Variants in PLXDC2 observed in about 807,000 individuals in gnomAD.
The protein encoded by PLXDC2 is plexin domain-containing protein 2.
PLXDC2 carries 40 observed loss-of-function variants against 68.9 expected under a neutral mutation model. That is an observed-to-expected ratio of 0.58 (90% CI 0.45 to 0.76). The LOEUF is 0.76. Ranked by LOEUF, PLXDC2 falls within the 30% of genes least tolerant of loss-of-function variation. PLXDC2 has a pLI of 0.00. For synonymous variants in PLXDC2, 243 were observed against 234.2 expected, an observed-to-expected ratio of 1.04 and a Z score of -0.34; for missense variants, 644 against 661.9, an observed-to-expected ratio of 0.97 and a Z score of 0.30.
At chr10:20,045,992 C>A (rs936194876) in intron 2 of PLXDC2, among the ~76,000 whole-genome samples, 3 of 151,974 alleles carry the variant, frequency 2.0e-5, no homozygotes, top group African/African-American at 7.3e-5. Context: ...GTGACAGGCA[C>A]TAAGGTAACA....
At chr10:19,999,395 T>G (rs970823654) in intron 1 of PLXDC2, among the ~76,000 whole-genome samples, 6 of 152,088 alleles carry the variant, frequency 3.9e-5, no homozygotes, top group East Asian at 1.9e-4. Context: ...TGTTTGTTTT[T>G]TTTTTTTCTG....
At chr10:19,910,511 C>A (rs1041977447) in intron 1 of PLXDC2, among the ~76,000 whole-genome samples, 1 of 151,118 alleles carries the variant, frequency 6.6e-6, no homozygotes, top group African/African-American at 2.4e-5. Flanking sequence ...AGGACTGGGT[C>A]CTTCCACTAG....
chr10:20,069,309 A>G (rs1836276659), intron 4 of PLXDC2, among the ~76,000 whole-genome samples: 1 of 152,200 alleles, frequency 6.6e-6, no homozygotes, highest in Admixed American at 6.5e-5. Context: ...AGAGGTGTGT[A>G]GCTTAGTGGA....
intron 4 of PLXDC2, among the ~76,000 whole-genome samples, chr10:20,112,785 T>C (rs1216950520): frequency 6.6e-6 from 1 of 152,238 alleles, no homozygotes; most frequent in African/African-American, 2.4e-5. Context: ...CCGTGGAATA[T>C]ATGTGCTGTA....
intron 6 of PLXDC2, among the ~76,000 whole-genome samples, chr10:20,157,092 C>T (rs910879216): frequency 6.6e-6 from 1 of 152,172 alleles, no homozygotes; most frequent in Non-Finnish European, 1.5e-5. Flanking sequence ...TAAAAGAGAT[C>T]ATGACTCTTA....
At chr10:20,007,326 T>G (rs1241055417) in intron 2 of PLXDC2, among the ~76,000 whole-genome samples, 1 of 152,252 alleles carries the variant, frequency 6.6e-6, no homozygotes, top group Non-Finnish European at 1.5e-5. Context: ...TTCATCAGCC[T>G]ATTGCTGTAG....
chr10:20,034,988 A>G (rs1835555801), intron 2 of PLXDC2, among the ~76,000 whole-genome samples: 1 of 152,222 alleles, frequency 6.6e-6, no homozygotes, highest in African/African-American at 2.4e-5. Context: ...ACTTGTCATT[A>G]AGCAACCCAT....
At chr10:20,222,167 T>C (rs1014943249) in intron 12 of PLXDC2, among the ~76,000 whole-genome samples, 1 of 151,928 alleles carries the variant, frequency 6.6e-6, no homozygotes, top group African/African-American at 2.4e-5. Context: ...TAGAAACAAA[T>C]GACTGCCTTT....
intron 12 of PLXDC2, among the ~76,000 whole-genome samples, chr10:20,228,457 G>C (rs895792484): frequency 1.3e-5 from 2 of 152,102 alleles, no homozygotes; most frequent in Non-Finnish European, 2.9e-5. Flanking sequence ...AACTACTGGG[G>C]AGGCTGAGGT....
chr10:19,936,007 G>C (rs115110138), intron 1 of PLXDC2, among the ~76,000 whole-genome samples: 19 of 152,258 alleles, frequency 1.2e-4, no homozygotes, highest in African/African-American at 4.6e-4. Flanking sequence ...GTGCTATTTT[G>C]ATATTAAAAC....
chr10:20,103,608 G>A (rs1833451017), intron 4 of PLXDC2, among the ~76,000 whole-genome samples: 1 of 150,390 alleles, frequency 6.6e-6, no homozygotes. Context: ...GAGAGAGAGA[G>A]AGAGAAAACT....
chr10:20,016,615 G>A (rs1468002933), intron 2 of PLXDC2, among the ~76,000 whole-genome samples: 1 of 152,172 alleles, frequency 6.6e-6, no homozygotes, highest in Non-Finnish European at 1.5e-5. Flanking sequence ...TGTTTACCTG[G>A]TGGCCATGGT....
At chr10:20,252,124 G>T (rs11011911) in intron 13 of PLXDC2, among the ~76,000 whole-genome samples, 39,873 of 151,964 alleles carry the variant, frequency 0.26, 5,537 homozygotes, top group African/African-American at 0.36. Context: ...TATCGTGCAA[G>T]GGCAATGGAG....
intron 7 of PLXDC2, among the ~76,000 whole-genome samples, chr10:20,175,237 C>A (rs934379923): frequency 2.6e-5 from 4 of 152,072 alleles, no homozygotes; most frequent in Non-Finnish European, 5.9e-5. Flanking sequence ...TCATTTTAAT[C>A]CTCAAAGCAA....
In PLXDC2 at chr10:20,046,997, T is replaced by C. The variant is rs370576740; in HGVS notation, c.453T>C (p.Asn151=). Reference sequence around the variant, plus strand: ...TGAAGATTCATGGAATATTGTCCAATACTCATCGGCAAGCTGCAGTAAGTG... The same window carrying C: ...TGAAGATTCATGGAATATTGTCCAACACTCATCGGCAAGCTGCAGTAAGTG... ...DKVKIHGILS[N]THRQAARVNL... is the part of the protein sequence containing the mutation. The change falls in exon 3 of 14, where the codon AAT becomes AAC. Residue 151 remains asparagine, a synonymous_variant. Transcript: ENST00000377252. 37 of 1,604,392 alleles carry C rather than the reference T, an allele frequency of 2.3e-5. No homozygotes were observed. The African/African-American group carries it at 4.7e-4, about 20-fold the overall frequency.
At chr10:20,048,043 A>T (rs80275731) in intron 3 of PLXDC2, among the ~76,000 whole-genome samples, 2,708 of 152,266 alleles carry the variant, frequency 0.018, 78 homozygotes, top group African/African-American at 0.061. Flanking sequence ...ATGTTCAGTT[A>T]AGTATGACCT....
chr10:19,885,966 T>C (rs1837839104), intron 1 of PLXDC2, among the ~76,000 whole-genome samples: 1 of 152,180 alleles, frequency 6.6e-6, no homozygotes, highest in Non-Finnish European at 1.5e-5. Flanking sequence ...TTTCATGATA[T>C]TGATTCTTCC....
intron 6 of PLXDC2, among the ~76,000 whole-genome samples, chr10:20,155,742 T>C (rs532272509): frequency 6.6e-6 from 1 of 152,322 alleles, no homozygotes; most frequent in Non-Finnish European, 1.5e-5. Context: ...TGTTTACTTT[T>C]CCTAGTGTAA....
chr10:20,094,052 A>G (rs1833316151), intron 4 of PLXDC2, among the ~76,000 whole-genome samples: 1 of 152,220 alleles, frequency 6.6e-6, no homozygotes, highest in Admixed American at 6.5e-5. Flanking sequence ...TGGAAACAGT[A>G]CAAATGGCTT....
Sources: allele counts gnomAD v4.1 joint callset (sites outside exome capture counted in the v4.1 genomes callset), GRCh38; gene constraint gnomAD v4.1.1; transcripts MANE v1.5; gene names NCBI Gene and HGNC (gene_info 2026-07-23, HGNC 2026-07-21).